Variants in PLXND1 observed in about 807,000 individuals in gnomAD.
PLXND1 encodes the protein plexin-D1.
In PLXND1, 54 loss-of-function variants were observed where a neutral mutation model predicts 197.7. That is an observed-to-expected ratio of 0.27 (90% CI 0.22 to 0.34). The LOEUF is 0.34. Among genes scored for constraint, PLXND1 ranks in the 10% least tolerant of loss-of-function variants. The pLI is 1.00. For missense variants in PLXND1, 2,127 were observed against 2,699.2 expected (o/e 0.79, Z 4.70); for synonymous variants, 1,180 against 1,161.2 (o/e 1.02, Z -0.33).
At position 129,556,431 on chromosome 3, in the gene PLXND1, G is replaced by A. The variant is rs1466774388; in HGVS notation, c.5662-3C>T. 2 of 1,610,834 alleles carry A rather than the reference G, an allele frequency of 1.2e-6. No homozygotes were observed. The highest frequency in any genetic ancestry group is 1.1e-5 in the South Asian group (1 of 91,018). ...TTGGCCTCCAGCGCGGCCATGATCT[G>A]AGGGGAGCAGCGGAGTCAGCCGGGC... On this transcript the variant is annotated splice_polypyrimidine_tract_variant and splice_region_variant and intron_variant, in intron 35 of 35. Coordinates refer to ENST00000324093, the MANE Select transcript of PLXND1 (RefSeq NM_015103.3).
Position 129,555,879 on chromosome 3 carries a change from G to T in PLXND1, c.*433C>A. 1 of 298,374 alleles carries T rather than the reference G, an allele frequency of 3.4e-6. No homozygotes were observed. Among genetic ancestry groups the T allele is most frequent in the Non-Finnish European group, 6.2e-6 (1 of 160,858 alleles). 18.5% of individuals were successfully genotyped at this position (298,374 alleles called of 1,614,324 possible). On this transcript the variant is annotated 3_prime_UTR_variant, in exon 36 of 36. Coordinates refer to ENST00000324093, the MANE Select transcript of PLXND1 (RefSeq NM_015103.3). The stretch of plus-strand genomic sequence containing the variant: ...AGAAACCAATCAAAGGTCAGTTCAA[G>T]GAGGGCTCCCTGCACCAGTGTGGAT...
chr3:129,589,307 G>GCCGCCCCCCCCCCCCCCCCC, intron 2 of PLXND1, 44 bp downstream of exon 2: 2 of 684,690 alleles, frequency 2.9e-6, no homozygotes, highest in Non-Finnish European at 5.1e-6. Context: ...TCCCAGGGGA[G>GCCGCCCCCCCCCCCCCCCCC]CCTCCCACCC....
intron 1 of PLXND1, 68 bp downstream of exon 1, chr3:129,605,261 T>TCCCCC: frequency 4.0e-6 from 2 of 493,838 alleles, no homozygotes; most frequent in Non-Finnish European, 6.2e-6. Context: ...CCCGCTCGGT[T>TCCCCC]CCCGCCCGCC....
intron 1 of PLXND1, among the ~76,000 whole-genome samples, chr3:129,601,728 G>A: frequency 6.6e-6 from 1 of 152,136 alleles, no homozygotes; most frequent in Admixed American, 6.5e-5. Context: ...CTGTTGCTGA[G>A]CCTGACTCTG....
In PLXND1 at chr3:129,605,467, G is replaced by T; in HGVS notation, c.1173C>A (p.Phe391Leu). The T allele has an allele frequency of 6.7e-7, 1 of 1,501,600 alleles. No individual in the cohort carries two copies. Among genetic ancestry groups the T allele is most frequent in the Non-Finnish European group, 8.8e-7 (1 of 1,132,364 alleles). The allele number at this position is 1,501,600 out of a possible 1,614,324, so 93.0% of individuals were successfully genotyped here. ...ARAAPAALCA[F>L]RFADVRAAIR... ...TGGCGGCTCGCACGTCGGCGAAGCG[G>T]AAGGCGCAGAGTGCGGCCGGAGCAG... The change falls in exon 1 of 36, where the codon TTC becomes TTA. Residue 391 changes from phenylalanine (F) to leucine (L), a missense_variant. This residue lies in a region of PLXND1 where 1,095 missense variants were observed against 1,259.8 expected (regional missense o/e 0.87). Transcript: ENST00000324093.
chr3:129,594,830 G>A (rs2085596745), intron 1 of PLXND1, among the ~76,000 whole-genome samples: 1 of 151,048 alleles, frequency 6.6e-6, no homozygotes, highest in South Asian at 2.1e-4. Flanking sequence ...TAACTTTCCT[G>A]AAAATCTAAA....
intron 29 of PLXND1, 28 bp downstream of exon 29, chr3:129,561,618 G>A: frequency 2.6e-6 from 4 of 1,553,388 alleles, no homozygotes; most frequent in Non-Finnish European, 3.5e-6. Flanking sequence ...CGCAGCCTGG[G>A]CTCCCTTCCC....
chr3:129,596,011 C>G (rs1480643415), intron 1 of PLXND1, among the ~76,000 whole-genome samples: 1 of 151,958 alleles, frequency 6.6e-6, no homozygotes, highest in Non-Finnish European at 1.5e-5. Context: ...AGTCTCACAG[C>G]TCTTACCTCA....
chr3:129,583,910 G>T (rs2085420463), intron 7 of PLXND1, among the ~76,000 whole-genome samples: 1 of 152,200 alleles, frequency 6.6e-6, no homozygotes, highest in Non-Finnish European at 1.5e-5. Context: ...AAAGCACTTT[G>T]CCCCGTCCCA....
At chr3:129,591,225 C>A (rs933139368) in intron 1 of PLXND1, 3 of 152,212 alleles carry the variant, frequency 2.0e-5, no homozygotes, top group African/African-American at 7.2e-5. Context: ...AGGATGACGG[C>A]GGGTGACCCA....
chr3:129,606,465 T>C lies in PLXND1; in HGVS notation c.175A>G (p.Thr59Ala), dbSNP rs2085796411. The C allele has an allele frequency of 2.1e-6, 3 of 1,437,714 alleles. No homozygotes were observed. Among genetic ancestry groups the C allele is most frequent in the African/African-American group, 3.0e-5 (2 of 66,870 alleles). 89.1% of individuals were successfully genotyped at this position (1,437,714 alleles called of 1,614,324 possible). ...GCGCCGTCCAGGGCGAAGTTGTTGG[T>C]GGGCGTGGGCGAGGGGAACCGACGC... Reference protein sequence around the residue: ...IQRRFPSPTPTNNFALDGAAG... With the variant: ...IQRRFPSPTPANNFALDGAAG... The change falls in exon 1 of 36, where the codon ACC (threonine) becomes GCC (alanine). Residue 59 changes from threonine (T) to alanine (A), a missense_variant. Thr to Ala is a moderately conservative substitution (Grantham distance 58). Transcript: ENST00000324093.
chr3:129,562,730 G>C, intron 27 of PLXND1, 57 bp downstream of exon 27: 1 of 1,519,830 alleles, frequency 6.6e-7, no homozygotes, highest in Non-Finnish European at 8.9e-7. Flanking sequence ...CGTCAAGGCA[G>C]GGGCCAGCCC....
rs1244013003 is a variant in PLXND1 at position 129,577,520 on chromosome 3, A to T, written c.2346+809T>A. 1.3e-5 allele frequency among the ~76,000 whole-genome samples: 2 copies of T among 148,540 alleles called. No individual in the cohort carries two copies. The highest frequency in any genetic ancestry group is 3.0e-5 in the Non-Finnish European group (2 of 67,322). On this transcript the variant is annotated intron_variant, in intron 9 of 35. Transcript: ENST00000324093. This position sits in a 1 kb window ranked among gnomAD's most constrained non-coding sequence, Gnocchi z 5.0. ...CCCTCCCAGAGCTCCAGCCCCTGCC[A>T]CGAGGCTTCCCGACACATCCCAGAT...
chr3:129,565,193 A>T, intron 25 of PLXND1, 147 bp downstream of exon 25: 2 of 668,038 alleles, frequency 3.0e-6, no homozygotes, highest in Non-Finnish European at 5.3e-6. Flanking sequence ...AACAGGTCCT[A>T]CGGGCCTGGC....
chr3:129,574,337 G>A lies in PLXND1; in HGVS notation c.2684C>T (p.Ala895Val), dbSNP rs201781153. 244 of 1,597,370 alleles carry A rather than the reference G, an allele frequency of 1.5e-4. 1 individual carries two copies. The highest frequency in any genetic ancestry group is 1.7e-4 in the Middle Eastern group (1 of 5,760). Reference protein sequence around the residue: ...AGTCPAPEIHAIEPLSGPLDG... With the variant: ...AGTCPAPEIHVIEPLSGPLDG... Reference sequence around the variant, plus strand: ...CGTGCCTCCACTGGGCATGCTTACCGCGTGGATCTCGGGGGCGGGGCAGGT... The same window carrying A: ...CGTGCCTCCACTGGGCATGCTTACCACGTGGATCTCGGGGGCGGGGCAGGT... Residue 895 changes from alanine (A) to valine (V), a missense_variant and splice_region_variant, in exon 12 of 36, where the codon GCG (alanine) becomes GTG (valine). Ala to Val is a moderately conservative substitution (Grantham distance 64). Around this residue, in one of 6 missense-constraint regions of PLXND1, gnomAD observed 1,095 missense variants for 1,259.8 expected, o/e 0.87. Coordinates refer to ENST00000324093, the MANE Select transcript of PLXND1 (RefSeq NM_015103.3).
chr3:129,565,928 G>C lies in PLXND1; in HGVS notation c.4281C>G (p.Val1427=). 6.2e-7 allele frequency: 1 copy of C among 1,614,196 alleles called. No individual in the cohort carries two copies. Among genetic ancestry groups the C allele is most frequent in the Non-Finnish European group, 8.5e-7 (1 of 1,180,024 alleles). Residue 1427 remains valine (V), a synonymous_variant, in exon 24 of 36, where the codon GTC becomes GTG. Coordinates refer to ENST00000324093, the MANE Select transcript of PLXND1 (RefSeq NM_015103.3). The part of the protein sequence containing the change: ...LNNKHFLIVF[V]HALEQQKDFA... ...AGTCCTTCTGCTGCTCCAGCGCGTG[G>C]ACAAAGACGATGAGGAAGTGCTTGT...
rs1408504039 is a variant in PLXND1, at chr3:129,574,326, G to A, written c.2685+10C>T. 3.2e-6 allele frequency: 5 copies of A among 1,586,408 alleles called. No homozygotes were observed. Among genetic ancestry groups the A allele is most frequent in the East Asian group, 2.3e-5 (1 of 43,344 alleles). On this transcript the variant is annotated intron_variant, in intron 12 of 35. Coordinates refer to ENST00000324093, the MANE Select transcript of PLXND1 (RefSeq NM_015103.3). ...TGCGGGTGCCACGTGCCTCCACTGG[G>A]CATGCTTACCGCGTGGATCTCGGGG...
chr3:129,567,147 G>A (rs2085152248), intron 22 of PLXND1, among the ~76,000 whole-genome samples: 1 of 152,076 alleles, frequency 6.6e-6, no homozygotes, highest in Admixed American at 6.5e-5. Flanking sequence ...AGGGAAGCCT[G>A]GCTGGGAAGA....
Position 129,556,676 on chromosome 3 carries a change from A to G in PLXND1, c.5602T>C (p.Phe1868Leu). Residue 1868 changes from phenylalanine (F) to leucine (L), a missense_variant, in exon 35 of 36, where the codon TTC becomes CTC. Physicochemically the swap from Phe to Leu is conservative, Grantham distance 22 (BLOSUM62 0). Transcript: ENST00000324093. Reference protein sequence around the residue: ...AEESRKYQNEFNTNVAMAEIY... With the variant: ...AEESRKYQNELNTNVAMAEIY... ...TCTGCCATGGCCACATTGGTGTTGA[A>G]CTCATTCTGGTATTTCTATAAGGAG... The G allele has an allele frequency of 6.2e-7, 1 of 1,612,544 alleles. No individual in the cohort carries two copies. Among genetic ancestry groups the G allele is most frequent in the Non-Finnish European group, 8.5e-7 (1 of 1,178,956 alleles).
Sources: allele counts gnomAD v4.1 joint callset (sites outside exome capture counted in the v4.1 genomes callset), GRCh38; gene constraint gnomAD v4.1.1; regional missense constraint gnomAD v4.1.1; non-coding constraint Gnocchi (gnomAD v3.1); transcripts MANE v1.5; gene names NCBI Gene and HGNC (gene_info 2026-07-23, HGNC 2026-07-21).